Variants in CRYBG1 observed in about 807,000 individuals in gnomAD.
CRYBG1 encodes beta/gamma crystallin domain-containing protein 1.
Under a neutral mutation model 189.2 loss-of-function variants are expected in CRYBG1, and 139 were observed. That is an observed-to-expected ratio of 0.73 (90% CI 0.64 to 0.85). CRYBG1 has a LOEUF of 0.85. CRYBG1 is among the 40% of genes least tolerant of loss of function. The pLI is 0.00. For synonymous variants in CRYBG1, 1,023 were observed against 1,017.1 expected (o/e 1.01, Z -0.11); for missense variants, 2,611 against 2,675.8 (o/e 0.98, Z 0.53).
At chr6:106,491,222 T>C (rs1246643124) in intron 2 of CRYBG1, among the ~76,000 whole-genome samples, 1 of 152,214 alleles carries the variant, frequency 6.6e-6, no homozygotes, top group African/African-American at 2.4e-5. Context: ...ATGAGCCACC[T>C]GTGTGGAGGC....
chr6:106,547,673 G>GA (rs1313726112), intron 13 of CRYBG1, among the ~76,000 whole-genome samples: 3 of 152,158 alleles, frequency 2.0e-5, no homozygotes, highest in East Asian at 3.9e-4. Context: ...TGCATTGTCA[G>GA]AAAAAAACTC....
In CRYBG1 at chr6:106,520,240, G is replaced by T. The variant is rs1363209382; in HGVS notation, c.3032G>T (p.Gly1011Val). The change falls in exon 4 of 22, where the codon GGC becomes GTC. Residue 1011 changes from glycine (G) to valine (V), a missense_variant. Physicochemically the swap from Gly to Val is moderately radical, Grantham distance 109. Transcript: ENST00000633556. ...GCTCCCCCACAAGAGGAAGTACTGGGCAATGAACACTCTCATTGCACAGCA... is the reference window on the plus strand; with the variant it reads ...GCTCCCCCACAAGAGGAAGTACTGGTCAATGAACACTCTCATTGCACAGCA... Reference protein sequence around the residue: ...SCAPPQEEVLGNEHSHCTAEL... With the variant: ...SCAPPQEEVLVNEHSHCTAEL... 1.9e-6 allele frequency: 3 copies of T among 1,614,126 alleles called. No homozygotes were observed. Among genetic ancestry groups the T allele is most frequent in the Non-Finnish European group, 2.5e-6 (3 of 1,180,040 alleles).
intron 2 of CRYBG1, among the ~76,000 whole-genome samples, chr6:106,479,054 C>T (rs1230885849): frequency 6.6e-6 from 1 of 152,198 alleles, no homozygotes; most frequent in Non-Finnish European, 1.5e-5. Flanking sequence ...CATGTTGTAG[C>T]ATGTATCAGT....
At chr6:106,484,135 T>C (rs1486084012) in intron 2 of CRYBG1, among the ~76,000 whole-genome samples, 1 of 152,198 alleles carries the variant, frequency 6.6e-6, no homozygotes, top group African/African-American at 2.4e-5. Flanking sequence ...GTCACCTTTA[T>C]TGAGAATCAG....
At chr6:106,361,594 G>A (rs1771870648) in intron 1 of CRYBG1, among the ~76,000 whole-genome samples, 1 of 152,208 alleles carries the variant, frequency 6.6e-6, no homozygotes. Context: ...CATTTCATGG[G>A]TGGAGGAACT....
intron 2 of CRYBG1, among the ~76,000 whole-genome samples, chr6:106,455,176 G>A (rs983387146): frequency 6.6e-6 from 1 of 152,056 alleles, no homozygotes; most frequent in Non-Finnish European, 1.5e-5. Flanking sequence ...TAGAAGGTAT[G>A]TTTATTTAAA....
intron 6 of CRYBG1, 115 bp from the exon 7 acceptor site, chr6:106,527,190 A>G: frequency 1.3e-6 from 1 of 788,468 alleles, no homozygotes; most frequent in Non-Finnish European, 1.9e-6. Context: ...TTGCTAGATA[A>G]TTGGCTGCTA....
intron 1 of CRYBG1, among the ~76,000 whole-genome samples, chr6:106,393,680 CTTTTTT>C (rs3047147): frequency 7.0e-6 from 1 of 142,152 alleles, no homozygotes; most frequent in Non-Finnish European, 1.5e-5. Context: ...TTTCCTCTTC[CTTTTTT>C]TTTTTTTTTT....
At chr6:106,384,433 T>C (rs757711532) in intron 1 of CRYBG1, among the ~76,000 whole-genome samples, 3 of 152,172 alleles carry the variant, frequency 2.0e-5, no homozygotes, top group Non-Finnish European at 4.4e-5. Flanking sequence ...GAAATAGTTA[T>C]ACAACTCACC....
chr6:106,539,274 C>A, intron 8 of CRYBG1, 129 bp from the exon 9 acceptor site: 1 of 1,057,490 alleles, frequency 9.5e-7, no homozygotes, highest in Non-Finnish European at 1.4e-6. Context: ...CACCTGAGTC[C>A]AACCATTCAT....
At chr6:106,487,090 G>A (rs1000116070) in intron 2 of CRYBG1, among the ~76,000 whole-genome samples, 3 of 152,006 alleles carry the variant, frequency 2.0e-5, no homozygotes, top group Non-Finnish European at 4.4e-5. Flanking sequence ...TGAAATTTGT[G>A]TGTGTGTGAT....
chr6:106,415,504 C>T (rs1192717729), intron 1 of CRYBG1, among the ~76,000 whole-genome samples: 7 of 151,768 alleles, frequency 4.6e-5, no homozygotes, highest in South Asian at 2.1e-4. Context: ...GCAGGCAGAT[C>T]GCTTGAGCCT....
rs1053487407 is a variant in CRYBG1 at position 106,530,323 on chromosome 6, T to C, written c.4718+8T>C. On this transcript the variant is annotated splice_region_variant and intron_variant, in intron 8 of 21. Coordinates refer to ENST00000633556, the MANE Select transcript of CRYBG1 (RefSeq NM_001371242.2). ...GAAAGTACATTGGGGCACGTAAGTA[T>C]TTTTTTTTCAAACAAATTTTAATGA... The C allele has an allele frequency of 6.4e-7, 1 of 1,557,760 alleles. No individual in the cohort carries two copies. The highest frequency in any genetic ancestry group is 1.4e-5 in the African/African-American group (1 of 72,608).
intron 4 of CRYBG1, 94 bp from the exon 5 acceptor site, chr6:106,525,039 A>G: frequency 7.9e-7 from 1 of 1,267,312 alleles, no homozygotes; most frequent in South Asian, 1.2e-5. Flanking sequence ...CAATGTGGGA[A>G]AAGTGTGATC....
chr6:106,448,819 G>C (rs1170773720), intron 1 of CRYBG1, among the ~76,000 whole-genome samples: 1 of 152,100 alleles, frequency 6.6e-6, no homozygotes, highest in Admixed American at 6.5e-5. Context: ...AGCCTCAAAG[G>C]GTTGGGTCCA....
At chr6:106,407,779 T>C (rs962463319) in intron 1 of CRYBG1, among the ~76,000 whole-genome samples, 1 of 152,134 alleles carries the variant, frequency 6.6e-6, no homozygotes, top group Non-Finnish European at 1.5e-5. Context: ...GACTACTGGG[T>C]AAATAATGAA....
intron 2 of CRYBG1, among the ~76,000 whole-genome samples, chr6:106,495,614 G>A (rs983732919): frequency 2.0e-5 from 3 of 151,864 alleles, no homozygotes; most frequent in African/African-American, 4.8e-5. Context: ...ACTTTGGCTC[G>A]AAGCAGAAAT....
At chr6:106,456,780 C>T (rs913564352) in intron 2 of CRYBG1, among the ~76,000 whole-genome samples, 4 of 152,146 alleles carry the variant, frequency 2.6e-5, no homozygotes, top group African/African-American at 7.2e-5. Flanking sequence ...CCCAATCTCA[C>T]CTCGTTTCTT....
At chr6:106,402,839 T>A (rs1770747092) in intron 1 of CRYBG1, among the ~76,000 whole-genome samples, 1 of 151,480 alleles carries the variant, frequency 6.6e-6, no homozygotes, top group South Asian at 2.1e-4. Context: ...GTGTGCAGGA[T>A]GAGTGAGGGG....
Sources: allele counts gnomAD v4.1 joint callset (sites outside exome capture counted in the v4.1 genomes callset), GRCh38; gene constraint gnomAD v4.1.1; transcripts MANE v1.5; gene names NCBI Gene and HGNC (gene_info 2026-07-23, HGNC 2026-07-21).